CLCN7: variants seen among roughly 807,000 people sequenced by gnomAD.
CLCN7 encodes the protein Cl-/H+ antiporter 7.
Under a neutral mutation model 102.1 loss-of-function variants are expected in CLCN7, and 60 were observed. The ratio of observed to expected loss-of-function variants is 0.59; its 90% CI spans 0.48 to 0.73. The LOEUF is 0.73. Ranked by LOEUF, CLCN7 falls within the 30% of genes least tolerant of loss-of-function variation. The pLI is 0.00. For synonymous variants in CLCN7, 560 were observed against 490.5 expected (o/e 1.14, Z -1.87); for missense variants, 962 against 1,125.7 (o/e 0.85, Z 2.08).
At chr16:1,472,107 G>A (rs2039086703) in intron 1 of CLCN7, among the ~76,000 whole-genome samples, 1 of 152,248 alleles carries the variant, frequency 6.6e-6, no homozygotes, top group Admixed American at 6.5e-5. Flanking sequence ...GCAGCTTTAT[G>A]CGCCTGCGTC....
Position 1,448,379 on chromosome 16 carries a change from C to G in CLCN7, c.1989G>C (p.Val663=), listed in dbSNP as rs780980632. The change falls in exon 21 of 25, where the codon GTG becomes GTC. Residue 663 remains valine (V), a synonymous_variant. Transcript: ENST00000382745. ...CCTGGGTGTCATCGGCATGCTCCAC[C>G]ACGGGGAAGCCGTTGTGATTGGACG... ...DTASNHNGFP[V]VEHADDTQPA... 9 of 1,612,766 alleles carry G rather than the reference C, an allele frequency of 5.6e-6. No individual in the cohort carries two copies. Among genetic ancestry groups the G allele is most frequent in the South Asian group, 1.1e-5 (1 of 91,090 alleles).
At chr16:1,473,256 T>G (rs1198250536) in intron 1 of CLCN7, among the ~76,000 whole-genome samples, 2 of 152,116 alleles carry the variant, frequency 1.3e-5, no homozygotes, top group African/African-American at 2.4e-5. Context: ...AGCTGCTGCT[T>G]CTTATCAGCA....
At chr16:1,456,044 G>A in intron 10 of CLCN7, 69 bp downstream of exon 10, 1 of 1,329,280 alleles carries the variant, frequency 7.5e-7, no homozygotes, top group Non-Finnish European at 1.0e-6. Context: ...TGGGCCTACA[G>A]AGAGGAGACC....
chr16:1,474,336 G>T (rs1343952273), intron 1 of CLCN7: 2 of 373,660 alleles, frequency 5.4e-6, no homozygotes, highest in East Asian at 1.6e-4. Context: ...ACAGAAAGAT[G>T]GCAGATAAAG....
rs1007139811 is a variant in CLCN7, at chr16:1,457,028, C to A, written c.822+226G>T. Among the ~76,000 whole-genome samples, 3 of 152,154 alleles carry A rather than the reference C, an allele frequency of 2.0e-5. No individual in the cohort carries two copies. The highest frequency in any genetic ancestry group is 1.9e-4 in the East Asian group (1 of 5,184). ...GCCACAGACCCTCCCACGGGAAACA[C>A]TGATGCACGTGTGGCAGGGGACCCA... On this transcript the variant is annotated intron_variant, in intron 9 of 24. Coordinates refer to ENST00000382745, the MANE Select transcript of CLCN7 (RefSeq NM_001287.6). The surrounding 1 kb of genome is among the most constrained non-coding windows in gnomAD (Gnocchi z 5.4).
chr16:1,447,753 G>A (rs2038676741), intron 21 of CLCN7, 39 bp from the exon 22 acceptor site: 4 of 1,544,678 alleles, frequency 2.6e-6, no homozygotes, highest in Admixed American at 2.0e-5. Flanking sequence ...CGGGCCCGAG[G>A]GTGGGAGGCT....
intron 1 of CLCN7, among the ~76,000 whole-genome samples, chr16:1,473,224 G>A (rs1045485004): frequency 5.3e-5 from 8 of 152,052 alleles, no homozygotes; most frequent in South Asian, 2.1e-4. Flanking sequence ...GAGAGCAGGA[G>A]GGCCCACTTC....
intron 11 of CLCN7, 32 bp downstream of exon 11, chr16:1,455,699 T>G: frequency 6.2e-7 from 1 of 1,610,972 alleles, no homozygotes; most frequent in Middle Eastern, 1.7e-4. Flanking sequence ...GCATGCACCC[T>G]GATCAGGAGG....
At position 1,445,450 on chromosome 16, in the gene CLCN7, C is replaced by G. The variant is rs1384662984; in HGVS notation, c.*1181G>C. On this transcript the variant is annotated 3_prime_UTR_variant, in exon 25 of 25. Coordinates refer to ENST00000382745, the MANE Select transcript of CLCN7 (RefSeq NM_001287.6). ...GTCAGCTCCCGGGGAGGCCCCACTC[C>G]CTGGGGAGGAAATACACGGCAGGGG... The G allele has an allele frequency of 6.6e-6, 1 of 152,386 alleles. No individual in the cohort carries two copies. Among genetic ancestry groups the G allele is most frequent in the East Asian group, 1.9e-4 (1 of 5,198 alleles). 9.4% of individuals were successfully genotyped at this position (152,386 alleles called of 1,614,324 possible). A position where few individuals can be genotyped will look rare whatever the true frequency, so the allele number is the denominator to read the frequency against.
chr16:1,458,558 C>T (rs1332171414), intron 7 of CLCN7, among the ~76,000 whole-genome samples: 3 of 152,128 alleles, frequency 2.0e-5, no homozygotes, highest in Non-Finnish European at 2.9e-5. Context: ...GACCAGGCCC[C>T]GGAAGCACCC....
At chr16:1,467,006 G>A (rs538527302) in intron 1 of CLCN7, among the ~76,000 whole-genome samples, 1 of 141,962 alleles carries the variant, frequency 7.0e-6, no homozygotes, top group Non-Finnish European at 1.5e-5. Flanking sequence ...CCCAACCATC[G>A]TCCTGTTACC....
rs1316704692 is a variant in CLCN7, at chr16:1,468,619, A to G, written c.142-3281T>C. On this transcript the variant is annotated intron_variant, in intron 1 of 24. Coordinates refer to ENST00000382745, the MANE Select transcript of CLCN7 (RefSeq NM_001287.6). ...ACACTAACTAAAAACAGACAGGCTC[A>G]GGAACACGTGAGCCAACACTCCCGA... 3.9e-5 allele frequency among the ~76,000 whole-genome samples: 6 copies of G among 152,204 alleles called. 1 individual carries two copies. Among genetic ancestry groups the G allele is most frequent in the African/African-American group, 1.4e-4 (6 of 41,464 alleles).
intron 4 of CLCN7, 152 bp from the exon 5 acceptor site, chr16:1,461,100 A>C: frequency 9.0e-7 from 1 of 1,117,196 alleles, no homozygotes; most frequent in African/African-American, 1.6e-5. Flanking sequence ...GTTTCTGGCC[A>C]ACATCTGAGG....
Position 1,447,652 on chromosome 16 carries a change from C to A in CLCN7, c.2073+3G>T. 1 of 1,555,340 alleles carries A rather than the reference C, an allele frequency of 6.4e-7. No homozygotes were observed. Among genetic ancestry groups the A allele is most frequent in the Non-Finnish European group, 8.7e-7 (1 of 1,149,836 alleles). On this transcript the variant is annotated splice_donor_region_variant and intron_variant, in intron 22 of 24. Coordinates refer to ENST00000382745, the MANE Select transcript of CLCN7 (RefSeq NM_001287.6). ...GCCCAATGGCCCGGAGCCTGGCACG[C>A]ACCTTGTGCTTTAGGAGAACGATGA...
intron 17 of CLCN7, 144 bp downstream of exon 17, chr16:1,450,353 C>T (rs2038724654): frequency 1.2e-6 from 1 of 846,320 alleles, no homozygotes; most frequent in Non-Finnish European, 1.9e-6. Flanking sequence ...GGCCCGTGAA[C>T]CACGCGAGGA....
At chr16:1,447,109 A>G (rs779270193) in intron 23 of CLCN7, 23 bp from the exon 24 acceptor site, 2 of 1,577,358 alleles carry the variant, frequency 1.3e-6, no homozygotes, top group Admixed American at 1.7e-5. Context: ...CACAGCTGTC[A>G]GTGCCCGCCC....
chr16:1,450,766 G>A lies in CLCN7; in HGVS notation c.1448-100C>T, dbSNP rs2038735952. On this transcript the variant is annotated intron_variant, in intron 16 of 24. Coordinates refer to ENST00000382745, the MANE Select transcript of CLCN7 (RefSeq NM_001287.6). ...CTCGGGCCTCACAGTCACCTTCCAGGAGCCCAGCAACCTGAGCTCCCGAGC... is the reference window on the plus strand; with the variant it reads ...CTCGGGCCTCACAGTCACCTTCCAGAAGCCCAGCAACCTGAGCTCCCGAGC... 6.6e-6 allele frequency: 7 copies of A among 1,060,610 alleles called. 1 individual carries two copies. The highest frequency in any genetic ancestry group is 9.2e-6 in the Non-Finnish European group (7 of 764,042). The allele number at this position is 1,060,610 out of a possible 1,614,324, so 65.7% of individuals were successfully genotyped here. A position where few individuals can be genotyped will look rare whatever the true frequency, so the allele number is the denominator to read the frequency against.
chr16:1,454,705 G>A (rs1031564423), intron 12 of CLCN7, among the ~76,000 whole-genome samples: 1 of 152,238 alleles, frequency 6.6e-6, no homozygotes, highest in African/African-American at 2.4e-5. Flanking sequence ...TCAGCACCCG[G>A]GGCGGGGAGG....
At chr16:1,451,520 C>G (rs2142372804) in intron 16 of CLCN7, 103 bp downstream of exon 16, 1 of 950,330 alleles carries the variant, frequency 1.1e-6, no homozygotes, top group East Asian at 2.6e-5. Flanking sequence ...GGGATGACCC[C>G]CCAGCCCAGG....
Sources: allele counts gnomAD v4.1 joint callset (sites outside exome capture counted in the v4.1 genomes callset), GRCh38; gene constraint gnomAD v4.1.1; non-coding constraint Gnocchi (gnomAD v3.1); transcripts MANE v1.5; gene names NCBI Gene and HGNC (gene_info 2026-07-23, HGNC 2026-07-21).